The following NBEA variants were observed in gnomAD, a reference collection of about 807,000 sequenced individuals.
NBEA encodes the protein lysosomal-trafficking regulator 2.
Under a neutral mutation model 343.4 loss-of-function variants are expected in NBEA, and 44 were observed. That is an observed-to-expected ratio of 0.13 (90% confidence interval 0.10 to 0.16). The LOEUF is 0.16. NBEA is among the 10% of genes least tolerant of loss of function. NBEA has a pLI of 1.00. For synonymous variants in NBEA, 1,175 were observed against 1,238.7 expected (o/e 0.95, Z 1.08); for missense variants, 2,555 against 3,631.3 (o/e 0.70, Z 7.62).
intron 38 of NBEA, among the ~76,000 whole-genome samples, chr13:35,368,338 A>T (rs1228607725): frequency 6.6e-6 from 1 of 151,506 alleles, no homozygotes; most frequent in Non-Finnish European, 1.5e-5. Context: ...CTTATAAAGA[A>T]ACCTAAATAT....
At chr13:35,288,286 A>G (rs1394602333) in intron 34 of NBEA, among the ~76,000 whole-genome samples, 3 of 151,960 alleles carry the variant, frequency 2.0e-5, no homozygotes, top group African/African-American at 7.2e-5. Context: ...CAAAGTGATT[A>G]TGTAATTTTT....
intron 34 of NBEA, among the ~76,000 whole-genome samples, chr13:35,274,962 A>G (rs2034469506): frequency 6.6e-6 from 1 of 152,216 alleles, no homozygotes. Context: ...TGCTATTACC[A>G]TCAAACTACC....
chr13:35,207,348 T>G (rs542888181), intron 31 of NBEA, among the ~76,000 whole-genome samples: 1 of 152,140 alleles, frequency 6.6e-6, no homozygotes, highest in South Asian at 2.1e-4. Flanking sequence ...AGAGATGCAT[T>G]AAAAAGATGT....
chr13:35,261,578 A>C (rs982989623), intron 34 of NBEA, among the ~76,000 whole-genome samples: 2 of 152,092 alleles, frequency 1.3e-5, no homozygotes, highest in African/African-American at 4.8e-5. Flanking sequence ...AAAGAAAGAA[A>C]TGGAACTCTG....
intron 55 of NBEA, among the ~76,000 whole-genome samples, chr13:35,659,191 G>A (rs1362317633): frequency 2.0e-5 from 3 of 152,130 alleles, no homozygotes; most frequent in South Asian, 2.1e-4. Context: ...TATCCTTGAC[G>A]TGGGAAGTCC....
intron 38 of NBEA, among the ~76,000 whole-genome samples, chr13:35,390,942 T>C (rs1252647120): frequency 6.6e-6 from 1 of 152,156 alleles, no homozygotes; most frequent in African/African-American, 2.4e-5. Flanking sequence ...TTCTTCATAC[T>C]TACCTGAAAA....
chr13:35,649,798 A>G lies in NBEA; in HGVS notation c.7914A>G (p.Thr2638=). ...ACTTGACCATCCCCGCAGTGGTGAC[A>G]GTGACTTGCAGCCGACTCTTTGCAG... ...LPHLTIPAVV[T]VTCSRLFAVN... Residue 2638 remains threonine (T), a synonymous_variant, in exon 52 of 59, where the codon ACA becomes ACG. Transcript: ENST00000379939. 5 of 1,614,054 alleles carry G rather than the reference A, an allele frequency of 3.1e-6. No homozygotes were observed. In the South Asian group the frequency reaches 5.5e-5, roughly 18 times the overall value.
At chr13:35,603,231 T>C (rs1027768336) in intron 47 of NBEA, among the ~76,000 whole-genome samples, 9 of 152,156 alleles carry the variant, frequency 5.9e-5, no homozygotes, top group African/African-American at 2.2e-4. Context: ...AATAACTTCA[T>C]CCAATATCTT....
intron 17 of NBEA, among the ~76,000 whole-genome samples, chr13:35,136,155 G>A (rs779406810): frequency 8.6e-5 from 13 of 151,686 alleles, no homozygotes; most frequent in Non-Finnish European, 1.3e-4. Context: ...TATTGACAGC[G>A]AAAAAAAAGA....
chr13:35,425,522 T>C (rs935027363), intron 38 of NBEA, among the ~76,000 whole-genome samples: 3 of 152,210 alleles, frequency 2.0e-5, no homozygotes, highest in Admixed American at 2.0e-4. Context: ...CAGTTTGTTA[T>C]AATTTCTGTT....
intron 34 of NBEA, among the ~76,000 whole-genome samples, chr13:35,242,002 A>G (rs1179790181): frequency 6.6e-6 from 1 of 151,986 alleles, no homozygotes; most frequent in Non-Finnish European, 1.5e-5. Flanking sequence ...CAAAAATAGT[A>G]CAACGCACTC....
rs1376221598 is a variant in NBEA, at chr13:34,943,401, GT to G, written c.294+288del. On this transcript the variant is annotated intron_variant, in intron 1 of 58. Transcript: ENST00000379939. ...GACCGCGAGTAACCCAGTACCCGCG[GT>G]GAAGGTTTTGGGTCGACTTTAGAGT... 2.0e-5 allele frequency among the ~76,000 whole-genome samples: 3 copies of G among 152,046 alleles called. No individual in the cohort carries two copies. The East Asian group carries it at 5.8e-4, about 30-fold the overall frequency.
chr13:35,213,283 T>G (rs967514167), intron 33 of NBEA, among the ~76,000 whole-genome samples: 4 of 152,076 alleles, frequency 2.6e-5, no homozygotes, highest in Non-Finnish European at 5.9e-5. Context: ...TACACTTGAT[T>G]ATGGTTCAGC....
chr13:35,394,092 A>G (rs1020333947), intron 38 of NBEA, among the ~76,000 whole-genome samples: 2 of 152,148 alleles, frequency 1.3e-5, no homozygotes, highest in African/African-American at 2.4e-5. Context: ...TAAGTGTGGG[A>G]AAATAGCATA....
At chr13:35,552,328 T>A (rs1367822954) in intron 43 of NBEA, among the ~76,000 whole-genome samples, 1 of 152,222 alleles carries the variant, frequency 6.6e-6, no homozygotes, top group African/African-American at 2.4e-5. Flanking sequence ...GTATTGCAAC[T>A]TATCTATTCT....
intron 17 of NBEA, among the ~76,000 whole-genome samples, chr13:35,140,332 A>G (rs889111418): frequency 6.6e-6 from 1 of 151,936 alleles, no homozygotes; most frequent in South Asian, 2.1e-4. Flanking sequence ...ACTAATTTAG[A>G]CATATGTTTA....
intron 10 of NBEA, among the ~76,000 whole-genome samples, chr13:35,081,226 A>G (rs1198635230): frequency 1.3e-5 from 2 of 152,116 alleles, no homozygotes; most frequent in East Asian, 3.9e-4. Context: ...GCATCTGCCT[A>G]TTAGAGCCTA....
At chr13:35,472,114 A>G (rs1452226817) in intron 40 of NBEA, among the ~76,000 whole-genome samples, 1 of 152,116 alleles carries the variant, frequency 6.6e-6, no homozygotes, top group Non-Finnish European at 1.5e-5. Flanking sequence ...AAGTAAGTTA[A>G]TGGCAGCCCC....
chr13:35,122,731 T>C (rs887228043), intron 16 of NBEA, among the ~76,000 whole-genome samples: 4 of 152,110 alleles, frequency 2.6e-5, no homozygotes, highest in Non-Finnish European at 5.9e-5. Context: ...AACAAAATCT[T>C]AGAGTAGGAA....
Sources: allele counts gnomAD v4.1 joint callset (sites outside exome capture counted in the v4.1 genomes callset), GRCh38; gene constraint gnomAD v4.1.1; transcripts MANE v1.5; gene names NCBI Gene and HGNC (gene_info 2026-07-23, HGNC 2026-07-21).